The following TC2N variants were observed in gnomAD, a reference collection of about 807,000 sequenced individuals.
TC2N encodes the protein tandem C2 domains, nuclear.
TC2N carries 51 observed loss-of-function variants against 61.9 expected under a neutral mutation model. The observed-to-expected ratio is 0.82, with a 90% CI of 0.66 to 1.04. The LOEUF (loss-of-function observed/expected upper bound fraction) is 1.04. Among genes scored for constraint, TC2N ranks in the 50% least tolerant of loss-of-function variants. The pLI is 0.00. For synonymous variants in TC2N, 204 were observed against 192.6 expected (o/e 1.06, Z -0.49); for missense variants, 556 against 566.7 (o/e 0.98, Z 0.19).
At chr14:91,796,054 C>T (rs1334076764) in intron 8 of TC2N, among the ~76,000 whole-genome samples, 3 of 151,904 alleles carry the variant, frequency 2.0e-5, no homozygotes, top group Admixed American at 2.0e-4. Context: ...AGATTCCATA[C>T]AAGTTTTAAT....
chr14:91,805,294 T>G (rs1363253785), intron 3 of TC2N, among the ~76,000 whole-genome samples: 1 of 152,176 alleles, frequency 6.6e-6, no homozygotes, highest in Non-Finnish European at 1.5e-5. Flanking sequence ...AGAGTAAGGA[T>G]ATAAATATTT....
chr14:91,800,140 T>C (rs535154594), intron 5 of TC2N, 141 bp downstream of exon 5: 105 of 453,258 alleles, frequency 2.3e-4, no homozygotes, highest in African/African-American at 1.9e-3. Context: ...ATGGGAAATA[T>C]CAATTATTTA....
At chr14:91,812,229 T>C in intron 3 of TC2N, 83 bp downstream of exon 3, 1 of 698,956 alleles carries the variant, frequency 1.4e-6, no homozygotes, top group Admixed American at 3.9e-5. Context: ...TTTATATGAA[T>C]TTTGTATTAA....
At chr14:91,821,774 A>C (rs1413094287) in intron 1 of TC2N, among the ~76,000 whole-genome samples, 1 of 152,118 alleles carries the variant, frequency 6.6e-6, no homozygotes, top group Admixed American at 6.5e-5. Context: ...GATTATATCC[A>C]GCATATATAA....
At chr14:91,796,207 A>T (rs981507491) in intron 8 of TC2N, among the ~76,000 whole-genome samples, 6 of 152,026 alleles carry the variant, frequency 3.9e-5, no homozygotes, top group African/African-American at 1.4e-4. Context: ...TAGACTTTCA[A>T]TGATACATAT....
chr14:91,787,729 T>A, intron 9 of TC2N, 102 bp from the exon 10 acceptor site: 2 of 642,890 alleles, frequency 3.1e-6, no homozygotes, highest in Admixed American at 3.0e-5. Flanking sequence ...TTGAAAGTAT[T>A]CCTTTCAAAT....
intron 1 of TC2N, among the ~76,000 whole-genome samples, chr14:91,817,188 G>A (rs1218603585): frequency 6.6e-6 from 1 of 151,636 alleles, no homozygotes; most frequent in African/African-American, 2.4e-5. Flanking sequence ...ATACCTTTAG[G>A]AGTTTTTAGA....
chr14:91,783,463 C>T (rs1885221859), intron 11 of TC2N, among the ~76,000 whole-genome samples: 1 of 151,964 alleles, frequency 6.6e-6, no homozygotes, highest in Non-Finnish European at 1.5e-5. Context: ...TGAAATATTA[C>T]AAAATCATTT....
intron 8 of TC2N, among the ~76,000 whole-genome samples, chr14:91,794,451 C>T (rs1885805043): frequency 6.6e-6 from 1 of 152,112 alleles, no homozygotes; most frequent in Non-Finnish European, 1.5e-5. Context: ...TAGGCTGACT[C>T]TCTTGTTAGG....
At chr14:91,804,010 T>C (rs1021893445) in intron 3 of TC2N, among the ~76,000 whole-genome samples, 2 of 151,882 alleles carry the variant, frequency 1.3e-5, no homozygotes, top group Non-Finnish European at 2.9e-5. Flanking sequence ...CACCTACAAA[T>C]CATAAGAAAT....
intron 1 of TC2N, among the ~76,000 whole-genome samples, chr14:91,858,125 T>C (rs1173650814): frequency 1.3e-5 from 2 of 151,164 alleles, no homozygotes; most frequent in African/African-American, 2.4e-5. Context: ...ACCACTATGC[T>C]TGGCTGATTC....
chr14:91,797,308 A>G (rs1885947816), intron 8 of TC2N, among the ~76,000 whole-genome samples: 1 of 152,082 alleles, frequency 6.6e-6, no homozygotes, highest in Non-Finnish European at 1.5e-5. Flanking sequence ...TAGAAAAACA[A>G]TAATCTTTTA....
At position 91,781,263 on chromosome 14, in the gene TC2N, G is replaced by A. The variant is rs1462066266; in HGVS notation, c.*1837C>T. 1 of 152,022 alleles carries A rather than the reference G, an allele frequency of 6.6e-6. No individual in the cohort carries two copies. Among genetic ancestry groups the A allele is most frequent in the African/African-American group, 2.4e-5 (1 of 41,408 alleles). The allele number at this position is 152,022 out of a possible 1,614,324, so 9.4% of individuals were successfully genotyped here. A position where few individuals can be genotyped will look rare whatever the true frequency, so the allele number is the denominator to read the frequency against. ...TACTTCTTTGGTACCCATTAAAATA[G>A]TTGCATTTGCAGAGGATGTTTAGGG... is the stretch of plus-strand genomic sequence containing the variant. On this transcript the variant is annotated 3_prime_UTR_variant, in exon 12 of 12. Transcript: ENST00000435962.
chr14:91,805,239 A>C (rs1249142463), intron 3 of TC2N, among the ~76,000 whole-genome samples: 1 of 152,146 alleles, frequency 6.6e-6, no homozygotes, highest in African/African-American at 2.4e-5. Context: ...TTAACAAAAA[A>C]GTTTAAGAAG....
intron 1 of TC2N, chr14:91,836,510 T>C (rs1433022494): frequency 1.1e-4 from 12 of 106,556 alleles, no homozygotes; most frequent in African/African-American, 3.8e-4. Flanking sequence ...TCCACTTCCC[T>C]CCCCGTACCC....
chr14:91,863,024 T>C (rs778916109), intron 1 of TC2N, among the ~76,000 whole-genome samples: 5 of 152,230 alleles, frequency 3.3e-5, no homozygotes, highest in Admixed American at 6.5e-5. Flanking sequence ...TCAACAAAAA[T>C]GTAGCTGTTA....
chr14:91,844,796 A>G (rs1888237656), intron 1 of TC2N, among the ~76,000 whole-genome samples: 1 of 147,858 alleles, frequency 6.8e-6, no homozygotes, highest in Non-Finnish European at 1.5e-5. Context: ...AAGCCACCTT[A>G]TGTTACTGGC....
chr14:91,865,621 T>G (rs1406272767), intron 1 of TC2N, among the ~76,000 whole-genome samples: 2 of 152,106 alleles, frequency 1.3e-5, no homozygotes, highest in Non-Finnish European at 2.9e-5. Context: ...ACAAATTGTA[T>G]CAAAAAGAAA....
rs780804396 is a variant in TC2N at position 91,837,735 on chromosome 14, C to T, written c.-56-23910G>A. On this transcript the variant is annotated intron_variant, in intron 1 of 11. Transcript: ENST00000435962. The surrounding 1 kb of genome is among the most constrained non-coding windows in gnomAD (Gnocchi z 4.2). ...CCTTGAGATTCACAATGCATACTAG[C>T]ATTTTACAGGCATAAGAACCATGTT... 2.6e-5 allele frequency among the ~76,000 whole-genome samples: 4 copies of T among 152,196 alleles called. No homozygotes were observed. The highest frequency in any genetic ancestry group is 5.9e-5 in the Non-Finnish European group (4 of 68,022).
Sources: gnomAD v4.1 joint callset for allele counts (sites outside exome capture counted in the v4.1 genomes callset) on GRCh38, gnomAD v4.1.1 for gene constraint, Gnocchi (gnomAD v3.1) non-coding constraint, MANE v1.5 for transcripts, NCBI Gene and HGNC (gene_info 2026-07-23, HGNC 2026-07-21) for gene names.